The following MN1 variants were observed in gnomAD, a reference collection of about 807,000 sequenced individuals.
MN1 encodes the protein MN1 proto-oncogene, transcriptional regulator.
A neutral mutation model predicts 86.9 loss-of-function variants in MN1; 19 were observed. The ratio of observed to expected loss-of-function variants is 0.22; its 90% confidence interval spans 0.15 to 0.32. MN1 has a LOEUF of 0.32. Ranked by LOEUF, MN1 falls within the 10% of genes least tolerant of loss-of-function variation. The pLI is 1.00. For missense variants in MN1, 1,841 were observed against 1,862.0 expected (o/e 0.99, Z 0.21); for synonymous variants, 928 against 849.6 (o/e 1.09, Z -1.60).
Position 27,751,008 on chromosome 22 carries a change from A to G in MN1, c.3870T>C (p.Gly1290=). Residue 1290 remains glycine, a synonymous_variant, in exon 2 of 2, where the codon GGT becomes GGC. Transcript: ENST00000302326. ...CLSVHCTDDV[G]DAKARASVPT... Reference sequence around the variant, plus strand: ...GCACGGAGGCTCGAGCCTTGGCGTCACCCACGTCGTCTGTGCAGTGGACAG... The same window carrying G: ...GCACGGAGGCTCGAGCCTTGGCGTCGCCCACGTCGTCTGTGCAGTGGACAG... The G allele has an allele frequency of 6.2e-7, 1 of 1,613,072 alleles. No homozygotes were observed. The highest frequency in any genetic ancestry group is 8.5e-7 in the Non-Finnish European group (1 of 1,179,478).
intron 1 of MN1, among the ~76,000 whole-genome samples, chr22:27,758,087 C>T (rs114560960): frequency 6.6e-6 from 1 of 152,186 alleles, no homozygotes; most frequent in African/African-American, 2.4e-5. Context: ...GGGGGAGTTT[C>T]CTGAAGCACC....
At position 27,800,543 on chromosome 22, in the gene MN1, T is replaced by TA; in HGVS notation, c.-1dup. On this transcript the variant is annotated 5_prime_UTR_variant, in exon 1 of 2. Transcript: ENST00000302326. ...GGCTCGAATTGGTCCAGCCCAAACA[T>TA]ACTTGGCGGGGGGCAGAGGGGGATC... 1 of 1,613,954 alleles carries TA rather than the reference T, an allele frequency of 6.2e-7. No homozygotes were observed. Among genetic ancestry groups the TA allele is most frequent in the South Asian group, 1.1e-5 (1 of 91,080 alleles).
Position 27,751,069 on chromosome 22 carries a change from G to A in MN1, c.3809C>T (p.Ser1270Leu). Residue 1270 changes from serine to leucine, a missense_variant, in exon 2 of 2, where the codon TCA becomes TTA. By Grantham distance (145) the Ser-to-Leu change is moderately radical (BLOSUM62 -2). Transcript: ENST00000302326. The stretch of plus-strand genomic sequence containing the variant: ...CAAGTGGCTGCCAGGCTGGGATGCT[G>A]AGGCCTTGTTTGCAGGGAGGTCGTG... ...EAHDLPANKA[S>L]ASQPGSHLQC... The A allele has an allele frequency of 1.3e-6, 2 of 1,591,836 alleles. No homozygotes were observed. Among genetic ancestry groups the A allele is most frequent in the Non-Finnish European group, 1.7e-6 (2 of 1,165,912 alleles).
chr22:27,754,467 G>A (rs1452376201), intron 1 of MN1, among the ~76,000 whole-genome samples: 1 of 152,200 alleles, frequency 6.6e-6, no homozygotes, highest in Non-Finnish European at 1.5e-5. Context: ...CAGAGCATGG[G>A]TGCAGGATTC....
chr22:27,791,345 C>A (rs959882512), intron 1 of MN1, among the ~76,000 whole-genome samples: 2 of 152,106 alleles, frequency 1.3e-5, no homozygotes, highest in African/African-American at 4.8e-5. Context: ...AACATCTCCA[C>A]CAAGAGCGAT....
Position 27,763,281 on chromosome 22 carries a change from C to G in MN1, c.3782-12185G>C, listed in dbSNP as rs1049206839. On this transcript the variant is annotated intron_variant, in intron 1 of 1. Coordinates refer to ENST00000302326, the MANE Select transcript of MN1 (RefSeq NM_002430.3). Reference sequence around the variant, plus strand: ...TATGGAGCACCTGCCTCATCCCCCCCATCCATGGGTCTGCCAGGAGCTCTG... The same window carrying G: ...TATGGAGCACCTGCCTCATCCCCCCGATCCATGGGTCTGCCAGGAGCTCTG... 5.9e-5 allele frequency among the ~76,000 whole-genome samples: 9 copies of G among 152,314 alleles called. 1 individual carries two copies. In the South Asian group the frequency reaches 6.2e-4, roughly 11 times the overall value.
chr22:27,769,688 G>A (rs186641215), intron 1 of MN1, among the ~76,000 whole-genome samples: 27 of 149,990 alleles, frequency 1.8e-4, no homozygotes, highest in East Asian at 1.0e-3. Flanking sequence ...CGAGTAGCTG[G>A]GACTATAGGC....
chr22:27,756,239 T>C (rs2089693847), intron 1 of MN1, among the ~76,000 whole-genome samples: 1 of 152,226 alleles, frequency 6.6e-6, no homozygotes, highest in Non-Finnish European at 1.5e-5. Context: ...CTTCTAGAGA[T>C]GCCACCCACC....
chr22:27,767,000 C>T (rs1385252737), intron 1 of MN1, among the ~76,000 whole-genome samples: 4 of 152,138 alleles, frequency 2.6e-5, no homozygotes, highest in African/African-American at 9.7e-5. Flanking sequence ...CAGTGGGCTC[C>T]AGTGCCCCTC....
chr22:27,772,624 T>C (rs1194778907), intron 1 of MN1, among the ~76,000 whole-genome samples: 1 of 152,122 alleles, frequency 6.6e-6, no homozygotes, highest in Non-Finnish European at 1.5e-5. Context: ...GAGAGTGGTG[T>C]GCTGGTGAGA....
chr22:27,794,502 G>T (rs1933259929), intron 1 of MN1, among the ~76,000 whole-genome samples: 1 of 152,214 alleles, frequency 6.6e-6, no homozygotes, highest in South Asian at 2.1e-4. Context: ...CGCCCCGCAT[G>T]CAGGGGAGGG....
chr22:27,754,512 C>T (rs1932789892), intron 1 of MN1, among the ~76,000 whole-genome samples: 1 of 152,220 alleles, frequency 6.6e-6, no homozygotes, highest in Admixed American at 6.5e-5. Flanking sequence ...AGAGAGCCAA[C>T]CAGTCTGGTA....
In MN1 at chr22:27,749,373, C is replaced by T. The variant is rs1601318595; in HGVS notation, c.*1542G>A. The T allele has an allele frequency of 4.3e-6, 1 of 231,688 alleles. No homozygotes were observed. The highest frequency in any genetic ancestry group is 2.2e-5 in the African/African-American group (1 of 45,356). 14.4% of individuals were successfully genotyped at this position (231,688 alleles called of 1,614,324 possible). On this transcript the variant is annotated 3_prime_UTR_variant, in exon 2 of 2. Transcript: ENST00000302326. ...CAAAGTGGAGCGTTTTAGTAAGACA[C>T]GCTCGTTAACAAAAACTGAAATTAA...
At position 27,799,936 on chromosome 22, in the gene MN1, A is replaced by G. The variant is rs749706989; in HGVS notation, c.608T>C (p.Phe203Ser). 2 of 1,603,512 alleles carry G rather than the reference A, an allele frequency of 1.2e-6. No individual in the cohort carries two copies. The highest frequency in any genetic ancestry group is 3.4e-5 in the Admixed American group (2 of 59,636). ...LDQSPNRAAS[F>S]HGLPSSSGSD... ...GCCGCTGGAGGACGGCAGGCCGTGG[A>G]AGGAGGCGGCTCGGTTAGGGCTCTG... Residue 203 changes from phenylalanine to serine, a missense_variant, in exon 1 of 2, where the codon TTC becomes TCC. Phe to Ser is a radical substitution (Grantham distance 155, BLOSUM62 -2). Transcript: ENST00000302326.
At chr22:27,770,046 C>T (rs1932901455) in intron 1 of MN1, among the ~76,000 whole-genome samples, 1 of 152,130 alleles carries the variant, frequency 6.6e-6, no homozygotes, top group African/African-American at 2.4e-5. Context: ...CAATCATAAT[C>T]CAATATTGAC....
rs1486522829 is a variant in MN1, at chr22:27,800,891, T to C, written c.-348A>G. 2.2e-5 allele frequency: 4 copies of C among 180,884 alleles called. No homozygotes were observed. The highest frequency in any genetic ancestry group is 3.1e-5 in the Non-Finnish European group (3 of 97,074). The allele number at this position is 180,884 out of a possible 1,614,324, so 11.2% of individuals were successfully genotyped here. A position where few individuals can be genotyped will look rare whatever the true frequency, so the allele number is the denominator to read the frequency against. On this transcript the variant is annotated 5_prime_UTR_variant, in exon 1 of 2. Coordinates refer to ENST00000302326, the MANE Select transcript of MN1 (RefSeq NM_002430.3). ...GGATGAACGGAGACAAAAAGTTAAG[T>C]GGGGGGAATGGGGAGGGAAGGGGGT...
intron 1 of MN1, among the ~76,000 whole-genome samples, chr22:27,795,437 A>G (rs996600890): frequency 6.6e-6 from 1 of 152,100 alleles, no homozygotes; most frequent in African/African-American, 2.4e-5. Flanking sequence ...CAGGGTCAAG[A>G]CATGGCAGGA....
chr22:27,757,372 T>C (rs1054447566), intron 1 of MN1, among the ~76,000 whole-genome samples: 3 of 152,204 alleles, frequency 2.0e-5, no homozygotes, highest in Admixed American at 6.5e-5. Flanking sequence ...CAGACAGAGC[T>C]AGAAGTGCCA....
chr22:27,793,792 C>T (rs1933247186), intron 1 of MN1, among the ~76,000 whole-genome samples: 1 of 152,232 alleles, frequency 6.6e-6, no homozygotes, highest in African/African-American at 2.4e-5. Context: ...AGTGGCTGCA[C>T]GCCTTGTACA....
Sources: allele counts gnomAD v4.1 joint callset (sites outside exome capture counted in the v4.1 genomes callset), GRCh38; gene constraint gnomAD v4.1.1; transcripts MANE v1.5; gene names NCBI Gene and HGNC (gene_info 2026-07-23, HGNC 2026-07-21).